NRXN1: variants seen among roughly 807,000 people sequenced by gnomAD.
NRXN1 encodes neurexin-1.
Under a neutral mutation model 150.9 loss-of-function variants are expected in NRXN1, and 39 were observed. The ratio of observed to expected loss-of-function variants is 0.26; its 90% CI spans 0.20 to 0.34. NRXN1 has a LOEUF of 0.34. Ranked by LOEUF, NRXN1 falls within the 10% of genes least tolerant of loss-of-function variation. The pLI is 1.00. For synonymous variants in NRXN1, 924 were observed against 757.0 expected (o/e 1.22, Z -3.62); for missense variants, 1,815 against 1,949.9 (o/e 0.93, Z 1.30).
chr2:50,300,983 A>G (rs1484463312), intron 17 of NRXN1, among the ~76,000 whole-genome samples: 2 of 152,086 alleles, frequency 1.3e-5, no homozygotes, highest in Admixed American at 6.5e-5. Flanking sequence ...AGCATGAGCC[A>G]CCACGATCAG....
At chr2:50,682,746 C>T (rs778894766) in intron 5 of NRXN1, among the ~76,000 whole-genome samples, 3 of 152,024 alleles carry the variant, frequency 2.0e-5, no homozygotes, top group Admixed American at 6.6e-5. Context: ...CAGAGTGCAA[C>T]AGTACGTGTC....
intron 21 of NRXN1, among the ~76,000 whole-genome samples, chr2:50,025,123 A>G (rs1018592532): frequency 3.9e-5 from 6 of 152,186 alleles, no homozygotes; most frequent in Non-Finnish European, 7.3e-5. Flanking sequence ...TAATTTGGCA[A>G]ATTGGGGGTC....
intron 19 of NRXN1, among the ~76,000 whole-genome samples, chr2:50,073,225 A>G (rs942683520): frequency 2.0e-5 from 3 of 152,192 alleles, no homozygotes; most frequent in African/African-American, 7.2e-5. Context: ...TATTCCCTGC[A>G]CTTTAGCCAG....
intron 8 of NRXN1, among the ~76,000 whole-genome samples, chr2:50,582,478 C>CAAAAAA (rs56941425): frequency 2.1e-3 from 93 of 44,212 alleles, no homozygotes; most frequent in Non-Finnish European, 2.9e-3. Context: ...GACTCGTCTC[C>CAAAAAA]AAAAAAAAAA....
In NRXN1 at chr2:50,210,720, A is replaced by C. The variant is rs1574509056; in HGVS notation, c.3546+26069T>G. ...CTATGAATAAAAACCCTTTCTGCTG[A>C]ATACATTTTAAAGCAGTAGTAGAAA... is the stretch of plus-strand genomic sequence containing the variant. On this transcript the variant is annotated intron_variant, in intron 18 of 22. Coordinates refer to ENST00000401669, the MANE Select transcript of NRXN1 (RefSeq NM_001330078.2). 3.3e-5 allele frequency among the ~76,000 whole-genome samples: 5 copies of C among 151,774 alleles called. No homozygotes were observed. The East Asian group carries it at 9.7e-4, about 29-fold the overall frequency.
At chr2:50,460,035 A>G (rs542728882) in intron 17 of NRXN1, among the ~76,000 whole-genome samples, 1 of 152,232 alleles carries the variant, frequency 6.6e-6, no homozygotes, top group East Asian at 1.9e-4. Context: ...GCATTTAGTG[A>G]TAACTAAAAC....
At chr2:49,995,015 C>T (rs1413779701) in intron 21 of NRXN1, among the ~76,000 whole-genome samples, 1 of 152,168 alleles carries the variant, frequency 6.6e-6, no homozygotes, top group African/African-American at 2.4e-5. Context: ...GACTGAAACA[C>T]TCCTTGATAA....
At chr2:50,462,317 T>C (rs370422758) in intron 17 of NRXN1, among the ~76,000 whole-genome samples, 15 of 151,790 alleles carry the variant, frequency 9.9e-5, no homozygotes, top group African/African-American at 3.1e-4. Flanking sequence ...AACAAAATTC[T>C]ATAGGAAGCC....
Position 49,974,248 on chromosome 2 carries a change from C to A in NRXN1, c.4129-30457G>T, listed in dbSNP as rs1311746713. On this transcript the variant is annotated intron_variant, in intron 21 of 22. Transcript: ENST00000401669. ...CACTGAGGAGCCAATGGCTGACGCA[C>A]TACGGCAGGAAGGGATGCTGCAGTT... is the stretch of plus-strand genomic sequence containing the variant. 4 of 647,366 alleles carry A rather than the reference C, an allele frequency of 6.2e-6. No homozygotes were observed. The South Asian group carries it at 6.2e-5, about 10-fold the overall frequency. The allele number at this position is 647,366 out of a possible 1,614,324, so 40.1% of individuals were successfully genotyped here.
rs555197158 is a variant in NRXN1 at position 50,517,052 on chromosome 2, G to A, written c.2375-10435C>T. Reference sequence around the variant, plus strand: ...TTTATCCTGGTTCTACAAGTTATTAGCTGTGTGACCTTGAGCAACCTTCTT... The same window carrying A: ...TTTATCCTGGTTCTACAAGTTATTAACTGTGTGACCTTGAGCAACCTTCTT... On this transcript the variant is annotated intron_variant, in intron 12 of 22. Transcript: ENST00000401669. 1.6e-4 allele frequency among the ~76,000 whole-genome samples: 24 copies of A among 152,224 alleles called. No individual in the cohort carries two copies. The South Asian group carries it at 5.0e-3, about 32-fold the overall frequency.
chr2:50,496,622 T>G (rs2091641872), intron 14 of NRXN1, among the ~76,000 whole-genome samples: 1 of 152,214 alleles, frequency 6.6e-6, no homozygotes, highest in Non-Finnish European at 1.5e-5. Flanking sequence ...ACAGTGCTTT[T>G]CTTTTCTTTT....
intron 18 of NRXN1, among the ~76,000 whole-genome samples, chr2:50,218,153 T>C (rs941778648): frequency 1.1e-4 from 17 of 152,076 alleles, no homozygotes; most frequent in African/African-American, 3.9e-4. Context: ...ATCATTTTAT[T>C]AAAATTATTT....
In NRXN1 at chr2:50,932,100, T is replaced by C. The variant is rs190817097; in HGVS notation, c.773-6145A>G. 9.2e-5 allele frequency among the ~76,000 whole-genome samples: 14 copies of C among 152,154 alleles called. No homozygotes were observed. In the East Asian group the frequency reaches 1.9e-3, roughly 21 times the overall value. On this transcript the variant is annotated intron_variant, in intron 2 of 22. Transcript: ENST00000401669. ...GTGCCTGGCCAAAAAATATTACTTA[T>C]AATCAGGCTGAGCACGGTGGTTCAC...
intron 22 of NRXN1, among the ~76,000 whole-genome samples, chr2:49,934,076 T>C (rs1298942631): frequency 6.6e-6 from 1 of 152,228 alleles, no homozygotes; most frequent in Non-Finnish European, 1.5e-5. Context: ...CTGGCTCCTA[T>C]GGTTGGAGTG....
intron 13 of NRXN1, among the ~76,000 whole-genome samples, chr2:50,500,227 T>A (rs988472879): frequency 6.6e-5 from 10 of 152,030 alleles, no homozygotes; most frequent in African/African-American, 2.4e-4. Flanking sequence ...AGGAGTTCAG[T>A]AATAAAAATA....
chr2:50,249,674 G>A (rs2066857604), intron 17 of NRXN1, among the ~76,000 whole-genome samples: 1 of 149,618 alleles, frequency 6.7e-6, no homozygotes, highest in Non-Finnish European at 1.5e-5. Context: ...GTCGCACTCT[G>A]TTGTCAAGGC....
At chr2:50,396,963 AGAG>A (rs1294913269) in intron 17 of NRXN1, among the ~76,000 whole-genome samples, 1 of 152,136 alleles carries the variant, frequency 6.6e-6, no homozygotes, top group African/African-American at 2.4e-5. Context: ...TGAAACCTAG[AGAG>A]GAGAAGGGAA....
intron 21 of NRXN1, among the ~76,000 whole-genome samples, chr2:50,038,872 C>A (rs745799171): frequency 6.7e-6 from 1 of 148,278 alleles, no homozygotes; most frequent in East Asian, 2.0e-4. Context: ...AAAATCTAGA[C>A]AGTCTTTCTT....
At chr2:50,739,747 G>A (rs550645154) in intron 5 of NRXN1, among the ~76,000 whole-genome samples, 21 of 152,292 alleles carry the variant, frequency 1.4e-4, no homozygotes, top group African/African-American at 4.8e-4. Flanking sequence ...AAGTATCACA[G>A]ATTATGTAAG....
Sources: allele counts gnomAD v4.1 joint callset (sites outside exome capture counted in the v4.1 genomes callset), GRCh38; gene constraint gnomAD v4.1.1; transcripts MANE v1.5; gene names NCBI Gene and HGNC (gene_info 2026-07-23, HGNC 2026-07-21).